ABI2: variants seen among roughly 807,000 people sequenced by gnomAD.
The protein encoded by ABI2 is abl interactor 2, also known as abelson interactor 2.
In ABI2, 25 loss-of-function variants were observed where a neutral mutation model predicts 59.2. The ratio of observed to expected loss-of-function variants is 0.42; its 90% CI spans 0.31 to 0.59. The LOEUF is 0.59. Ranked by LOEUF, ABI2 falls within the 20% of genes least tolerant of loss-of-function variation. The pLI is 0.14. For synonymous variants in ABI2, 213 were observed against 235.5 expected (o/e 0.90, Z 0.87); for missense variants, 545 against 681.8 (o/e 0.80, Z 2.23).
chr2:203,408,856 G>C (rs1364720216), intron 9 of ABI2, among the ~76,000 whole-genome samples: 1 of 14,740 alleles, frequency 6.8e-5, no homozygotes, highest in African/African-American at 1.2e-4. Context: ...TTTTGAGACG[G>C]AGTCTCGCTC....
At chr2:203,367,147 G>C (rs2094525807) in intron 2 of ABI2, 103 bp downstream of exon 2, 1 of 1,347,464 alleles carries the variant, frequency 7.4e-7, no homozygotes, top group Non-Finnish European at 9.6e-7. Context: ...TAACTCACAT[G>C]TACGATTTGG....
chr2:203,420,537 G>C (rs1010517535), intron 11 of ABI2, among the ~76,000 whole-genome samples: 1 of 152,050 alleles, frequency 6.6e-6, no homozygotes, highest in Non-Finnish European at 1.5e-5. Context: ...GGGACTACAG[G>C]CACCTGCCAG....
intron 1 of ABI2, among the ~76,000 whole-genome samples, chr2:203,352,934 C>G (rs189352673): frequency 4.6e-5 from 7 of 152,306 alleles, no homozygotes; most frequent in Admixed American, 3.9e-4. Context: ...TATGTTAAAA[C>G]TCTCTATAGT....
intron 6 of ABI2, among the ~76,000 whole-genome samples, chr2:203,395,448 T>TATATATATACACACACACACAC (rs750379504): frequency 8.7e-6 from 1 of 115,328 alleles, no homozygotes; most frequent in Admixed American, 1.0e-4. Context: ...TATATATATA[T>TATATATATACACACACACACAC]ACACACACAC....
intron 1 of ABI2, among the ~76,000 whole-genome samples, chr2:203,361,559 G>A (rs1345853751): frequency 6.6e-6 from 1 of 152,058 alleles, no homozygotes; most frequent in African/African-American, 2.4e-5. Context: ...TTCTCTTTTT[G>A]TAGGAGACAG....
intron 11 of ABI2, among the ~76,000 whole-genome samples, chr2:203,421,454 G>A (rs574618539): frequency 1.3e-5 from 2 of 152,258 alleles, no homozygotes; most frequent in South Asian, 4.1e-4. Context: ...CACCTGATTT[G>A]CAAACGGATT....
chr2:203,355,829 CAAAAAAA>C (rs771519788), intron 1 of ABI2, among the ~76,000 whole-genome samples: 1 of 68,512 alleles, frequency 1.5e-5, no homozygotes. Flanking sequence ...AAAACTGTCT[CAAAAAAA>C]AAAAAAAAAA....
intron 1 of ABI2, chr2:203,355,368 C>T (rs916132799): frequency 9.7e-6 from 2 of 205,268 alleles, no homozygotes; most frequent in Non-Finnish European, 2.1e-5. Flanking sequence ...AAAAATTAGC[C>T]AGGCGTGGTG....
At chr2:203,417,109 A>G (rs1580583736) in intron 11 of ABI2, 28 bp downstream of exon 11, 3 of 1,572,680 alleles carry the variant, frequency 1.9e-6, no homozygotes, top group East Asian at 2.3e-5. Context: ...ATCTGGATAG[A>G]TGGGAAGAAA....
chr2:203,368,755 T>A (rs191370475), intron 2 of ABI2, among the ~76,000 whole-genome samples: 9 of 152,102 alleles, frequency 5.9e-5, no homozygotes, highest in Non-Finnish European at 1.0e-4. Context: ...TAAGGTAAAT[T>A]TCAGTTGGGA....
chr2:203,335,738 A>G (rs890499616), intron 1 of ABI2, among the ~76,000 whole-genome samples: 3 of 152,204 alleles, frequency 2.0e-5, no homozygotes, highest in Admixed American at 6.5e-5. Context: ...TATACTTTGT[A>G]GAAAATTTGG....
intron 1 of ABI2, among the ~76,000 whole-genome samples, chr2:203,335,458 C>T (rs1332011831): frequency 6.6e-6 from 1 of 152,048 alleles, no homozygotes; most frequent in Non-Finnish European, 1.5e-5. Context: ...AATGGGATCT[C>T]ACTATGTTGC....
intron 1 of ABI2, among the ~76,000 whole-genome samples, chr2:203,364,091 CTTTTTT>C (rs75432257): frequency 2.1e-5 from 3 of 140,484 alleles, no homozygotes; most frequent in Non-Finnish European, 3.1e-5. Flanking sequence ...GTCCATTCAT[CTTTTTT>C]TTTTTTTTAA....
At chr2:203,404,885 C>T (rs919761889) in intron 9 of ABI2, among the ~76,000 whole-genome samples, 6 of 152,040 alleles carry the variant, frequency 3.9e-5, no homozygotes, top group East Asian at 1.9e-4. Flanking sequence ...ATGCTTTGTT[C>T]GTGTATGCTC....
At position 203,349,726 on chromosome 2, in the gene ABI2, T is replaced by A. The variant is rs572479429; in HGVS notation, c.118-17151T>A. Among the ~76,000 whole-genome samples, 70 of 152,102 alleles carry A rather than the reference T, an allele frequency of 4.6e-4. No homozygotes were observed. The South Asian group carries it at 4.8e-3, about 10-fold the overall frequency. Reference sequence around the variant, plus strand: ...GGCTGTGTTCATTTTTTTTTTTTTTTACGGCTGAATAATATTCTAGTACAT... The same window carrying A: ...GGCTGTGTTCATTTTTTTTTTTTTTAACGGCTGAATAATATTCTAGTACAT... On this transcript the variant is annotated intron_variant, in intron 1 of 11. Transcript: ENST00000261018.
rs537484495 is a variant in ABI2, at chr2:203,410,918, G to A, written c.1193-367G>A. Among the ~76,000 whole-genome samples the A allele has an allele frequency of 7.9e-5, 12 of 151,224 alleles. No individual in the cohort carries two copies. The South Asian group carries it at 2.5e-3, about 32-fold the overall frequency. Reference sequence around the variant, plus strand: ...TCTGCAGAAATGCTTTCCTTGAGAAGGCATGATGTTAATGATATGAAAAAA... The same window carrying A: ...TCTGCAGAAATGCTTTCCTTGAGAAAGCATGATGTTAATGATATGAAAAAA... On this transcript the variant is annotated intron_variant, in intron 9 of 11. Transcript: ENST00000261018.
intron 1 of ABI2, among the ~76,000 whole-genome samples, chr2:203,342,402 A>G (rs1037006822): frequency 1.5e-4 from 23 of 152,106 alleles, no homozygotes; most frequent in Admixed American, 1.4e-3. Context: ...GCTTTTCATA[A>G]AGGCAAGGAG....
chr2:203,404,920 T>C (rs1173713706), intron 9 of ABI2, among the ~76,000 whole-genome samples: 1 of 152,214 alleles, frequency 6.6e-6, no homozygotes, highest in African/African-American at 2.4e-5. Flanking sequence ...GAGAACTCTG[T>C]AGGTAGAATT....
At chr2:203,377,978 A>C (rs1209117627) in intron 2 of ABI2, among the ~76,000 whole-genome samples, 1 of 152,202 alleles carries the variant, frequency 6.6e-6, no homozygotes, top group Non-Finnish European at 1.5e-5. Context: ...GAATTCCAAT[A>C]TCATCACTAA....
Sources: gnomAD v4.1 joint callset for allele counts (sites outside exome capture counted in the v4.1 genomes callset) on GRCh38, gnomAD v4.1.1 for gene constraint, MANE v1.5 for transcripts, NCBI Gene and HGNC (gene_info 2026-07-23, HGNC 2026-07-21) for gene names.